KIAA0930: variants seen among roughly 807,000 people sequenced by gnomAD.
KIAA0930 encodes uncharacterized protein KIAA0930.
KIAA0930 carries 24 observed loss-of-function variants against 43.9 expected under a neutral mutation model. The ratio of observed to expected loss-of-function variants is 0.55; its 90% CI spans 0.40 to 0.77. The LOEUF (loss-of-function observed/expected upper bound fraction) is 0.77. Ranked by LOEUF, KIAA0930 falls within the 30% of genes least tolerant of loss-of-function variation. KIAA0930 has a pLI of 0.00. For missense variants in KIAA0930, 461 were observed against 574.2 expected, an observed-to-expected ratio of 0.80 and a Z score of 2.02; for synonymous variants, 259 against 216.4, an observed-to-expected ratio of 1.20 and a Z score of -1.73.
At chr22:45,204,125 C>G in intron 5 of KIAA0930, 140 bp from the exon 6 acceptor site, 1 of 1,085,976 alleles carries the variant, frequency 9.2e-7, no homozygotes, top group South Asian at 1.5e-5. Flanking sequence ...CTCCTGTGGC[C>G]CCATGCCCTC....
chr22:45,234,710 C>T (rs2083876098), intron 1 of KIAA0930, among the ~76,000 whole-genome samples: 1 of 152,186 alleles, frequency 6.6e-6, no homozygotes, highest in Non-Finnish European at 1.5e-5. Flanking sequence ...AAACTGGATC[C>T]CAGCTATGTT....
At position 45,196,595 on chromosome 22, in the gene KIAA0930, T is replaced by C. The variant is rs2083537922; in HGVS notation, c.*581A>G. 1 of 152,646 alleles carries C rather than the reference T, an allele frequency of 6.6e-6. No homozygotes were observed. Among genetic ancestry groups the C allele is most frequent in the South Asian group, 2.1e-4 (1 of 4,824 alleles). The allele number at this position is 152,646 out of a possible 1,614,324, so 9.5% of individuals were successfully genotyped here. A position where few individuals can be genotyped will look rare whatever the true frequency, so the allele number is the denominator to read the frequency against. ...AGGCCTTTCTGGAACTGGGCGTGGG[T>C]GAGGTATTCCCAGCCCAGGGCAAAG... On this transcript the variant is annotated 3_prime_UTR_variant, in exon 10 of 10. Coordinates refer to ENST00000336156, the MANE Select transcript of KIAA0930 (RefSeq NM_001009880.2). The surrounding 1 kb of genome is among the most constrained non-coding windows in gnomAD (Gnocchi z 4.1).
chr22:45,237,974 G>A (rs1214254929), intron 1 of KIAA0930, among the ~76,000 whole-genome samples: 1 of 151,350 alleles, frequency 6.6e-6, no homozygotes, highest in African/African-American at 2.4e-5. Flanking sequence ...AGGCTGGAGT[G>A]CAGTGGCGTG....
intron 1 of KIAA0930, among the ~76,000 whole-genome samples, chr22:45,214,164 G>A (rs2083716978): frequency 6.6e-6 from 1 of 152,144 alleles, no homozygotes; most frequent in Admixed American, 6.5e-5. Flanking sequence ...GCAACAGAAC[G>A]AGACTCTGTC....
chr22:45,216,376 T>C (rs2083732654), intron 1 of KIAA0930, among the ~76,000 whole-genome samples: 1 of 152,198 alleles, frequency 6.6e-6, no homozygotes, highest in South Asian at 2.1e-4. Flanking sequence ...CTCTGCTGGC[T>C]GCACGGCTCC....
chr22:45,200,820 T>C (rs1283110590), intron 7 of KIAA0930: 1 of 460,236 alleles, frequency 2.2e-6, no homozygotes, highest in East Asian at 7.0e-5. Flanking sequence ...ATGCTGGCTG[T>C]GGAGACAGAG....
Position 45,212,530 on chromosome 22 carries a change from C to A in KIAA0930, c.65-423G>T. 7 of 1,409,740 alleles carry A rather than the reference C, an allele frequency of 5.0e-6. No homozygotes were observed. The South Asian group carries it at 1.1e-4, about 23-fold the overall frequency. 87.3% of individuals were successfully genotyped at this position (1,409,740 alleles called of 1,614,324 possible). ...CTCTCACCAACATCTCTCACCCCCA[C>A]CCACTCCCCCTGGCTGCGGCAGTCC... On this transcript the variant is annotated intron_variant, in intron 1 of 9. Coordinates refer to ENST00000336156, the MANE Select transcript of KIAA0930 (RefSeq NM_001009880.2).
chr22:45,199,186 TCAGAGGCCTC>T (rs1356112068), intron 8 of KIAA0930, among the ~76,000 whole-genome samples: 3 of 152,120 alleles, frequency 2.0e-5, no homozygotes, highest in African/African-American at 7.2e-5. Flanking sequence ...TTAAAACCCC[TCAGAGGCCTC>T]CCTGGGGGCT....
intron 1 of KIAA0930, 69 bp downstream of exon 1, chr22:45,240,571 G>A (rs2083910747): frequency 1.8e-6 from 2 of 1,112,324 alleles, no homozygotes; most frequent in Admixed American, 2.1e-5. Context: ...ACAGAAACAC[G>A]GACGCGCAGA....
intron 1 of KIAA0930, among the ~76,000 whole-genome samples, chr22:45,239,776 T>TGG (rs1289124463): frequency 1.3e-5 from 2 of 150,530 alleles, no homozygotes. Flanking sequence ...GGGGGTGGGG[T>TGG]GGGGGGTGGC....
At chr22:45,209,433 C>G (rs2083672613) in intron 2 of KIAA0930, among the ~76,000 whole-genome samples, 1 of 152,166 alleles carries the variant, frequency 6.6e-6, no homozygotes, top group African/African-American at 2.4e-5. Context: ...AGCCCCAGGA[C>G]CCACCCACCA....
intron 1 of KIAA0930, among the ~76,000 whole-genome samples, chr22:45,221,538 AT>A (rs2083767596): frequency 6.6e-6 from 1 of 152,206 alleles, no homozygotes; most frequent in Non-Finnish European, 1.5e-5. Flanking sequence ...GCTTTGCTCT[AT>A]GATCATTTTG....
chr22:45,233,305 G>C (rs5765225), intron 1 of KIAA0930, among the ~76,000 whole-genome samples: 58,568 of 151,882 alleles, frequency 0.39, 12,461 homozygotes, highest in South Asian at 0.5. Context: ...CTCTGGACAC[G>C]GTGTGGTACA....
intron 6 of KIAA0930, 93 bp from the exon 7 acceptor site, chr22:45,203,277 C>T: frequency 1.5e-6 from 2 of 1,333,084 alleles, no homozygotes. Flanking sequence ...GCGACCATCC[C>T]TCAAGGAGCG....
chr22:45,209,178 C>T (rs1210764696), intron 2 of KIAA0930, among the ~76,000 whole-genome samples: 1 of 152,188 alleles, frequency 6.6e-6, no homozygotes, highest in African/African-American at 2.4e-5. Context: ...GCAGGAGGCC[C>T]GGCTGGTTGC....
intron 1 of KIAA0930, among the ~76,000 whole-genome samples, chr22:45,223,365 G>A (rs2083778771): frequency 6.6e-6 from 1 of 152,242 alleles, no homozygotes; most frequent in Admixed American, 6.5e-5. Context: ...GCCTGCGGAA[G>A]AGAAGGGAGG....
chr22:45,232,777 G>T (rs2083862184), intron 1 of KIAA0930, among the ~76,000 whole-genome samples: 1 of 152,180 alleles, frequency 6.6e-6, no homozygotes. Flanking sequence ...GGCTGGGTGG[G>T]GACCGGCTCC....
At chr22:45,239,879 C>A (rs2083906566) in intron 1 of KIAA0930, among the ~76,000 whole-genome samples, 1 of 152,170 alleles carries the variant, frequency 6.6e-6, no homozygotes, top group East Asian at 1.9e-4. Context: ...AAAGAGGGGG[C>A]TTCTCCTGGG....
At position 45,224,762 on chromosome 22, in the gene KIAA0930, C is replaced by T. The variant is rs113470199; in HGVS notation, c.65-12655G>A. 1.2e-4 allele frequency among the ~76,000 whole-genome samples: 19 copies of T among 152,210 alleles called. 1 individual carries two copies. The highest frequency in any genetic ancestry group is 4.1e-4 in the African/African-American group (17 of 41,546). Reference sequence around the variant, plus strand: ...GCAGGCAAAGGTGGACGGCATTCAACGCTCCCCTTGGGGGAAGATGAGTGA... The same window carrying T: ...GCAGGCAAAGGTGGACGGCATTCAATGCTCCCCTTGGGGGAAGATGAGTGA... On this transcript the variant is annotated intron_variant, in intron 1 of 9. Transcript: ENST00000336156.
Sources: gnomAD v4.1 joint callset for allele counts (sites outside exome capture counted in the v4.1 genomes callset) on GRCh38, gnomAD v4.1.1 for gene constraint, Gnocchi (gnomAD v3.1) non-coding constraint, MANE v1.5 for transcripts, NCBI Gene and HGNC (gene_info 2026-07-23, HGNC 2026-07-21) for gene names.